TTC6: variants seen among roughly 807,000 people sequenced by gnomAD.
TTC6 encodes tetratricopeptide repeat domain 6.
TTC6 carries 172 observed loss-of-function variants against 210.4 expected under a neutral mutation model. The observed-to-expected ratio is 0.82, with a 90% CI of 0.72 to 0.93. TTC6 has a LOEUF of 0.93. Ranked by LOEUF, TTC6 falls within the 40% of genes least tolerant of loss-of-function variation. TTC6 has a pLI of 0.00. For missense variants in TTC6, 2,414 were observed against 2,318.1 expected (o/e 1.04, Z -0.85); for synonymous variants, 804 against 819.6 (o/e 0.98, Z 0.32).
chr14:37,720,069 G>T (rs1007088674), intron 6 of TTC6, among the ~76,000 whole-genome samples: 3 of 152,100 alleles, frequency 2.0e-5, no homozygotes, highest in Non-Finnish European at 4.4e-5. Flanking sequence ...TATATAGATG[G>T]CAAAGAAGCA....
intron 7 of TTC6, among the ~76,000 whole-genome samples, chr14:37,725,316 A>G (rs1418596796): frequency 2.6e-3 from 158 of 61,840 alleles, no homozygotes; most frequent in African/African-American, 6.4e-3. Context: ...GTGTGTGTAT[A>G]TATATATATA....
At chr14:37,673,071 T>C (rs1465191486) in intron 1 of TTC6, among the ~76,000 whole-genome samples, 1 of 152,148 alleles carries the variant, frequency 6.6e-6, no homozygotes, top group Non-Finnish European at 1.5e-5. Context: ...ATATGGCAGC[T>C]GTTCAAATTC....
chr14:37,661,130 G>T (rs955973183), intron 1 of TTC6, among the ~76,000 whole-genome samples: 2 of 152,180 alleles, frequency 1.3e-5, no homozygotes, highest in Admixed American at 6.5e-5. Context: ...CTCCCACTCT[G>T]TAGGTTGCCT....
chr14:37,820,184 AT>A (rs1298843289), intron 26 of TTC6, among the ~76,000 whole-genome samples: 1 of 151,890 alleles, frequency 6.6e-6, no homozygotes, highest in East Asian at 1.9e-4. Flanking sequence ...GCATCTGCTC[AT>A]TTTTTTTCTT....
intron 1 of TTC6, among the ~76,000 whole-genome samples, chr14:37,597,770 G>C (rs1466616095): frequency 6.6e-6 from 1 of 152,076 alleles, no homozygotes; most frequent in East Asian, 1.9e-4. Flanking sequence ...TTTCCCGCAG[G>C]CGCCTCCGGG....
intron 24 of TTC6, 29 bp downstream of exon 26, chr14:37,808,875 G>A (rs919439993): frequency 2.7e-6 from 3 of 1,096,230 alleles, no homozygotes; most frequent in Non-Finnish European, 4.0e-6. Context: ...TAAACAATGT[G>A]TTTAAAGTGT....
Position 37,751,039 on chromosome 14 carries a change from T to C in TTC6, c.2957-14T>C, listed in dbSNP as rs549914504. On this transcript the variant is annotated splice_polypyrimidine_tract_variant and intron_variant, in intron 12 of 30. Coordinates refer to ENST00000553443, the Ensembl canonical transcript of TTC6. The stretch of plus-strand genomic sequence containing the variant: ...GATTATAACTCCAAATTTTATCTTT[T>C]TAATTTTCTTTAGAGGCATATTTGT... 4.1e-4 allele frequency: 613 copies of C among 1,496,446 alleles called. 2 individuals carry two copies. The African/African-American group carries it at 5.7e-3, about 14-fold the overall frequency. The allele number at this position is 1,496,446 out of a possible 1,614,324, so 92.7% of individuals were successfully genotyped here. A position where few individuals can be genotyped will look rare whatever the true frequency, so the allele number is the denominator to read the frequency against.
upstream of TTC6, among the ~76,000 whole-genome samples, chr14:37,619,359 C>T (rs1319796859): frequency 6.6e-6 from 1 of 152,060 alleles, no homozygotes; most frequent in African/African-American, 2.4e-5. Context: ...AGATTTTCTT[C>T]ATACTATCAA....
At chr14:37,791,682 G>A (rs908275946) in intron 16 of TTC6, among the ~76,000 whole-genome samples, 2 of 152,080 alleles carry the variant, frequency 1.3e-5, no homozygotes, top group Non-Finnish European at 2.9e-5. Context: ...AAGGGGTCAG[G>A]GATTCTGTGA....
intron 1 of TTC6, among the ~76,000 whole-genome samples, chr14:37,639,714 A>G (rs1950818): frequency 8.1e-6 from 1 of 123,190 alleles, no homozygotes; most frequent in Non-Finnish European, 1.8e-5. Context: ...TACAAGAAAT[A>G]CAAAAAAAAA....
chr14:37,686,225 G>A (rs2095793468), intron 3 of TTC6, among the ~76,000 whole-genome samples: 1 of 152,082 alleles, frequency 6.6e-6, no homozygotes, highest in Non-Finnish European at 1.5e-5. Context: ...GATAATGACA[G>A]TGCCCACCTC....
intron 1 of TTC6, among the ~76,000 whole-genome samples, chr14:37,661,450 T>TG (rs1405916645): frequency 6.6e-6 from 1 of 152,208 alleles, no homozygotes; most frequent in Non-Finnish European, 1.5e-5. Flanking sequence ...TGCTTGTTTT[T>TG]GTAAGGTTTG....
chr14:37,833,102 G>A (rs1260783258), intron 29 of TTC6, among the ~76,000 whole-genome samples: 2 of 150,110 alleles, frequency 1.3e-5, no homozygotes, highest in Non-Finnish European at 3.0e-5. Context: ...TGGATGAAAT[G>A]TACTGTAAAT....
intron 4 of TTC6, among the ~76,000 whole-genome samples, chr14:37,698,497 T>C (rs920870303): frequency 3.9e-5 from 6 of 152,200 alleles, no homozygotes; most frequent in African/African-American, 1.2e-4. Context: ...ACCTTTTTTT[T>C]CCCCTCTATT....
rs968077622 is a variant in TTC6 at position 37,750,031 on chromosome 14, A to G, written c.2956+188A>G. 1.1e-4 allele frequency among the ~76,000 whole-genome samples: 16 copies of G among 152,272 alleles called. No individual in the cohort carries two copies. In the South Asian group the frequency reaches 1.5e-3, roughly 14 times the overall value. On this transcript the variant is annotated intron_variant, in intron 12 of 30. Transcript: ENST00000553443. ...AATCCTATAGTGTTTTTAAAATACC[A>G]TGGTTTGAAAGGTTATTGTCCTTGA...
intron 14 of TTC6, among the ~76,000 whole-genome samples, chr14:37,753,898 CCTATT>C (rs2095959982): frequency 6.6e-6 from 1 of 151,592 alleles, no homozygotes; most frequent in Non-Finnish European, 1.5e-5. Flanking sequence ...TTTTCATTAT[CCTATT>C]GTATTGTATA....
At chr14:37,783,143 T>TA (rs1270457412) in intron 14 of TTC6, among the ~76,000 whole-genome samples, 1 of 152,204 alleles carries the variant, frequency 6.6e-6, no homozygotes, top group African/African-American at 2.4e-5. Context: ...GCTGGCCTCA[T>TA]AAAATGAGTT....
At chr14:37,734,398 G>C (rs957069616) in intron 7 of TTC6, among the ~76,000 whole-genome samples, 3 of 152,188 alleles carry the variant, frequency 2.0e-5, no homozygotes, top group Admixed American at 1.3e-4. Flanking sequence ...GCAACTCAGA[G>C]TTGTAGTTGT....
At chr14:37,714,861 G>A (rs1459851165) in intron 6 of TTC6, 65 bp downstream of exon 8, 1 of 1,458,326 alleles carries the variant, frequency 6.9e-7, no homozygotes, top group Admixed American at 2.3e-5. Context: ...TTGGCTTCAG[G>A]AGACTTTTTT....
Sources: allele counts gnomAD v4.1 joint callset (sites outside exome capture counted in the v4.1 genomes callset), GRCh38; gene constraint gnomAD v4.1.1; transcripts MANE v1.5; gene names NCBI Gene and HGNC (gene_info 2026-07-23, HGNC 2026-07-21).